Variants in INPP5F observed in about 807,000 individuals in gnomAD.
INPP5F encodes the protein inositol polyphosphate-5-phosphatase F, also known as phosphatidylinositide 4-phosphatase SAC2.
A neutral mutation model predicts 137.2 loss-of-function variants in INPP5F; 97 were observed. That is an observed-to-expected ratio of 0.71 (90% confidence interval 0.60 to 0.84). INPP5F has a LOEUF of 0.84. Among genes scored for constraint, INPP5F ranks in the 40% least tolerant of loss-of-function variants. The pLI is 0.00. For missense variants in INPP5F, 1,271 were observed against 1,371.9 expected (o/e 0.93, Z 1.16); for synonymous variants, 504 against 476.9 (o/e 1.06, Z -0.74).
In INPP5F at chr10:119,785,286, G is replaced by GTTTTTTTTTTTTTTTTTTTT. The variant is rs71019717; in HGVS notation, c.315+3531_315+3532insTTTTTTTTTTTTTTTTTTTT. ...TAACCTTTTGTGGAACTGCCAGACT[G>GTTTTTTTTTTTTTTTTTTTT]TTTTTTTTTTTTTTTTGGAGACGGA... On this transcript the variant is annotated intron_variant, in intron 3 of 19. Coordinates refer to ENST00000650623, the MANE Select transcript of INPP5F (RefSeq NM_014937.4). Among the ~76,000 whole-genome samples the GTTTTTTTTTTTTTTTTTTTT allele has an allele frequency of 7.0e-4, 74 of 106,234 alleles. 9 individuals carry two copies. The highest frequency in any genetic ancestry group is 3.1e-3 in the South Asian group (7 of 2,228). 69.7% of individuals were successfully genotyped at this position (106,234 alleles called of 152,430 possible). A position where few individuals can be genotyped will look rare whatever the true frequency, so the allele number is the denominator to read the frequency against.
chr10:119,746,806 C>T (rs1848547232), intron 1 of INPP5F, among the ~76,000 whole-genome samples: 1 of 141,942 alleles, frequency 7.0e-6, no homozygotes, highest in Non-Finnish European at 1.5e-5. Flanking sequence ...TTTTTTGAGA[C>T]AGAGTCTTGC....
intron 3 of INPP5F, among the ~76,000 whole-genome samples, chr10:119,785,578 G>GAGAGAGAGAGAC (rs1849879119): frequency 6.6e-6 from 1 of 151,062 alleles, no homozygotes; most frequent in Non-Finnish European, 1.5e-5. Context: ...GAGAGAGAGA[G>GAGAGAGAGAGAC]ACTGAGACTG....
chr10:119,745,546 C>A (rs1040669605), intron 1 of INPP5F, among the ~76,000 whole-genome samples: 2 of 151,326 alleles, frequency 1.3e-5, no homozygotes, highest in African/African-American at 2.4e-5. Flanking sequence ...GTATCTCTTA[C>A]AATGGACCTT....
At chr10:119,802,874 G>A (rs911208467) in intron 9 of INPP5F, among the ~76,000 whole-genome samples, 2 of 152,204 alleles carry the variant, frequency 1.3e-5, no homozygotes, top group African/African-American at 4.8e-5. Context: ...AGTGCGGTCT[G>A]TGTTTAGTAT....
At chr10:119,819,749 G>T (rs569033055) in intron 15 of INPP5F, 27 of 389,004 alleles carry the variant, frequency 6.9e-5, no homozygotes, top group African/African-American at 4.3e-4. Flanking sequence ...GCAAATTGAG[G>T]TGAATTTGTT....
chr10:119,800,293 C>T (rs996498556), intron 9 of INPP5F, among the ~76,000 whole-genome samples: 6 of 151,842 alleles, frequency 4.0e-5, no homozygotes, highest in Middle Eastern at 3.4e-3. Flanking sequence ...TGGTGGCTCA[C>T]GCCTGTAATC....
chr10:119,792,103 G>GT, intron 5 of INPP5F, 54 bp from the exon 6 acceptor site: 1 of 1,614,078 alleles, frequency 6.2e-7, no homozygotes, highest in Non-Finnish European at 8.5e-7. Flanking sequence ...TTTGGCTTTT[G>GT]TAGGAAAACT....
rs59388357 is a variant in INPP5F at position 119,732,500 on chromosome 10, C to CTTTTTTTTTTTTTTTTTTTTTTTTTTTT, written c.97+6158_97+6159insTTTTTTTTTTTTTTTTTTTTTTTTTTTT. Among the ~76,000 whole-genome samples, 3 of 115,566 alleles carry CTTTTTTTTTTTTTTTTTTTTTTTTTTTT rather than the reference C, an allele frequency of 2.6e-5. 1 individual carries two copies. The highest frequency in any genetic ancestry group is 1.0e-4 in the African/African-American group (3 of 29,356). 75.8% of individuals were successfully genotyped at this position (115,566 alleles called of 152,430 possible). A position where few individuals can be genotyped will look rare whatever the true frequency, so the allele number is the denominator to read the frequency against. ...TGAGCACTTTTCTTTTTTCTTTTTT[C>CTTTTTTTTTTTTTTTTTTTTTTTTTTTT]TTTTTTTTTTTTTTTTTGAGACGGA... On this transcript the variant is annotated intron_variant, in intron 1 of 19. Coordinates refer to ENST00000650623, the MANE Select transcript of INPP5F (RefSeq NM_014937.4).
Position 119,823,219 on chromosome 10 carries a change from A to G in INPP5F, c.2161+20A>G, listed in dbSNP as rs760465919. 1.2e-5 allele frequency: 20 copies of G among 1,608,360 alleles called. No individual in the cohort carries two copies. Among genetic ancestry groups the G allele is most frequent in the South Asian group, 1.1e-4 (10 of 89,704 alleles). On this transcript the variant is annotated intron_variant, in intron 18 of 19. Coordinates refer to ENST00000650623, the MANE Select transcript of INPP5F (RefSeq NM_014937.4). ...GAAAAGGTAAAAAGAGGAAGAGATG[A>G]AAGTATTCAGTGAAAACTTTCTATT...
rs1248774050 is a variant in INPP5F at position 119,771,867 on chromosome 10, T to C, written c.179-9768T>C. Reference sequence around the variant, plus strand: ...GGAGATATATATATATATATATATATATATATATATATATATTTTTTTTTT... The same window carrying C: ...GGAGATATATATATATATATATATACATATATATATATATATTTTTTTTTT... On this transcript the variant is annotated intron_variant, in intron 2 of 19. Transcript: ENST00000650623. 4.0e-4 allele frequency among the ~76,000 whole-genome samples: 6 copies of C among 14,830 alleles called. 1 individual carries two copies. The highest frequency in any genetic ancestry group is 9.2e-4 in the Non-Finnish European group (6 of 6,490). 9.7% of individuals were successfully genotyped at this position (14,830 alleles called of 152,430 possible).
intron 2 of INPP5F, among the ~76,000 whole-genome samples, chr10:119,752,541 C>T (rs1212985194): frequency 2.7e-5 from 4 of 149,642 alleles, no homozygotes; most frequent in African/African-American, 4.9e-5. Context: ...GCCGAGATTG[C>T]GCCATTGCAC....
chr10:119,776,319 G>A (rs948874071), intron 2 of INPP5F, among the ~76,000 whole-genome samples: 2 of 149,870 alleles, frequency 1.3e-5, no homozygotes, highest in African/African-American at 4.9e-5. Context: ...TCACATTTTT[G>A]TATATGAGTA....
At chr10:119,798,158 A>T (rs72826427) in intron 8 of INPP5F, among the ~76,000 whole-genome samples, 5,066 of 151,662 alleles carry the variant, frequency 0.033, 119 homozygotes, top group Non-Finnish European at 0.054. Context: ...GCTTGATTTT[A>T]AAAAAAATGT....
chr10:119,794,062 G>C (rs534724267), intron 6 of INPP5F, among the ~76,000 whole-genome samples: 1 of 151,662 alleles, frequency 6.6e-6, no homozygotes, highest in African/African-American at 2.4e-5. Flanking sequence ...GGTGTTTCTC[G>C]CAGAGGGGGA....
intron 15 of INPP5F, among the ~76,000 whole-genome samples, 166 bp from the exon 16 acceptor site, chr10:119,820,680 G>T (rs1851524240): frequency 6.6e-6 from 1 of 152,050 alleles, no homozygotes; most frequent in African/African-American, 2.4e-5. Flanking sequence ...TGTCCAAATG[G>T]ATAGATTGTA....
At chr10:119,734,531 C>G (rs541175208) in intron 1 of INPP5F, among the ~76,000 whole-genome samples, 26 of 152,254 alleles carry the variant, frequency 1.7e-4, no homozygotes, top group African/African-American at 6.3e-4. Flanking sequence ...GACAGGGTCT[C>G]ACTATGTTGG....
rs767380346 is a variant in INPP5F at position 119,791,866 on chromosome 10, T to C, written c.445-3T>C. ...GTAGTAATAGTAGATTAATTTCTTA[T>C]AGGTTAAGGAAAGTAAAGAGAAGGA... On this transcript the variant is annotated splice_polypyrimidine_tract_variant and splice_region_variant and intron_variant, in intron 4 of 19. Transcript: ENST00000650623. The C allele has an allele frequency of 6.3e-6, 10 of 1,582,920 alleles. No homozygotes were observed. Among genetic ancestry groups the C allele is most frequent in the Admixed American group, 5.4e-5 (3 of 55,092 alleles).
intron 2 of INPP5F, among the ~76,000 whole-genome samples, chr10:119,763,774 G>A (rs909862494): frequency 6.6e-6 from 1 of 152,120 alleles, no homozygotes; most frequent in Non-Finnish European, 1.5e-5. Flanking sequence ...TTAAGTCATA[G>A]CTCTCTTCTC....
At chr10:119,741,289 A>G (rs1848368134) in intron 1 of INPP5F, among the ~76,000 whole-genome samples, 1 of 152,158 alleles carries the variant, frequency 6.6e-6, no homozygotes, top group East Asian at 1.9e-4. Context: ...CCTGTGTTCT[A>G]TCTCAAATCC....
Sources: allele counts gnomAD v4.1 joint callset (sites outside exome capture counted in the v4.1 genomes callset), GRCh38; gene constraint gnomAD v4.1.1; transcripts MANE v1.5; gene names NCBI Gene and HGNC (gene_info 2026-07-23, HGNC 2026-07-21).